CCDC12: variants seen among roughly 807,000 people sequenced by gnomAD.
CCDC12 encodes coiled-coil domain containing 12.
A neutral mutation model predicts 25.7 loss-of-function variants in CCDC12; 28 were observed. That is an observed-to-expected ratio of 1.09 (90% confidence interval 0.81 to 1.50). The LOEUF is 1.50. CCDC12 is among the 40% of genes most tolerant of loss of function. The pLI, the probability that CCDC12 is intolerant of heterozygous loss-of-function variation, is 0.00. For synonymous variants in CCDC12, 75 were observed against 87.7 expected (o/e 0.86, Z 0.81); for missense variants, 198 against 210.0 (o/e 0.94, Z 0.35).
intron 1 of CCDC12, among the ~76,000 whole-genome samples, chr3:46,964,565 AAAG>A (rs999896397): frequency 1.3e-5 from 2 of 152,356 alleles, no homozygotes; most frequent in African/African-American, 2.4e-5. Flanking sequence ...GTCTGTGTAG[AAAG>A]AAGTAGACAT....
At chr3:46,979,481 C>G (rs2035147282), upstream of CCDC12, 1 of 163,846 alleles carries the variant, frequency 6.1e-6, no homozygotes, top group African/African-American at 2.4e-5. Flanking sequence ...CACCCCGACC[C>G]TCGTCCCGGA....
At chr3:46,935,343 G>A (rs2033400715) in intron 2 of CCDC12, among the ~76,000 whole-genome samples, 1 of 152,082 alleles carries the variant, frequency 6.6e-6, no homozygotes, top group African/African-American at 2.4e-5. Context: ...TCCTGGTTAA[G>A]TGCCTCCTCC....
At chr3:46,958,666 A>G (rs1436667235) in intron 1 of CCDC12, among the ~76,000 whole-genome samples, 2 of 152,142 alleles carry the variant, frequency 1.3e-5, no homozygotes, top group Non-Finnish European at 1.5e-5. Context: ...AGAACCCAAG[A>G]TAAGGGCAGG....
intron 1 of CCDC12, chr3:46,976,332 C>A (rs1479959545): frequency 1.5e-6 from 2 of 1,290,588 alleles, no homozygotes; most frequent in East Asian, 7.0e-5. Context: ...TCTGAACCTA[C>A]AGGCAGCCCT....
At chr3:46,958,148 A>G (rs2034356481) in intron 1 of CCDC12, among the ~76,000 whole-genome samples, 1 of 152,166 alleles carries the variant, frequency 6.6e-6, no homozygotes, top group Admixed American at 6.5e-5. Flanking sequence ...GGATTAAATA[A>G]GTTTTATTGG....
At chr3:46,938,477 G>C (rs572509239) in intron 2 of CCDC12, among the ~76,000 whole-genome samples, 1 of 144,018 alleles carries the variant, frequency 6.9e-6, no homozygotes, top group South Asian at 2.3e-4. Context: ...GTCAATAAAA[G>C]TAATGTTTTG....
rs142143463 is a variant in CCDC12 at position 46,976,676 on chromosome 3, C to T, written c.57G>A (p.Lys19=). The part of the protein sequence containing the change: ...GRLEEEALRR[K]ERLKALREKT... ...TCTCCCGTAGGGCCTTCAGCCGTTCCTTTCGCCGCAACGCCTCTTCCTCTA... is the reference window on the plus strand; with the variant it reads ...TCTCCCGTAGGGCCTTCAGCCGTTCTTTTCGCCGCAACGCCTCTTCCTCTA... The change falls in exon 1 of 7, where the codon AAG becomes AAA. Residue 19 remains lysine (K), a synonymous_variant. Transcript: ENST00000683445. 5.6e-6 allele frequency: 9 copies of T among 1,610,198 alleles called. No individual in the cohort carries two copies. The African/African-American group carries it at 8.0e-5, about 14-fold the overall frequency.
chr3:46,925,528 T>G lies in CCDC12; in HGVS notation c.172A>C (p.Arg58=). 7 of 1,577,632 alleles carry G rather than the reference T, an allele frequency of 4.4e-6. No homozygotes were observed. Among genetic ancestry groups the G allele is most frequent in the Non-Finnish European group, 6.1e-6 (7 of 1,156,570 alleles). The stretch of plus-strand genomic sequence containing the variant: ...TCCTCCGGGACATAGTTCCGCAGCC[T>G]AAGTTCCCTGCAAGAATAGAGGGAA... ...EEEGEKHREL[R]LRNYVPEDED... is the part of the protein sequence containing the mutation. Residue 58 remains arginine (R), a synonymous_variant, in exon 3 of 7, where the codon AGG becomes CGG. Transcript: ENST00000683445.
At chr3:46,922,928 AT>A in intron 5 of CCDC12, 1 of 182,134 alleles carries the variant, frequency 5.5e-6, no homozygotes, top group Non-Finnish European at 1.1e-5. Context: ...GACGACCTCC[AT>A]TTCACAGAGG....
intron 2 of CCDC12, among the ~76,000 whole-genome samples, chr3:46,940,438 C>T (rs532544504): frequency 4.6e-5 from 7 of 152,280 alleles, no homozygotes; most frequent in Admixed American, 2.0e-4. Context: ...CAGAGGGACA[C>T]AGACAACGAG....
chr3:46,954,214 C>T (rs910616991), intron 1 of CCDC12, among the ~76,000 whole-genome samples: 7 of 152,176 alleles, frequency 4.6e-5, no homozygotes, highest in Admixed American at 1.3e-4. Context: ...GCTACCTGAC[C>T]ATCCCCAGAT....
intron 2 of CCDC12, among the ~76,000 whole-genome samples, chr3:46,937,322 A>G (rs2107129005): frequency 6.6e-6 from 1 of 152,336 alleles, no homozygotes; most frequent in South Asian, 2.1e-4. Flanking sequence ...TATGTTCTCC[A>G]TAAGGCCTTG....
At chr3:46,981,563 A>G (rs1430702773), upstream of CCDC12, among the ~76,000 whole-genome samples, 2 of 152,106 alleles carry the variant, frequency 1.3e-5, no homozygotes, top group Non-Finnish European at 2.9e-5. Flanking sequence ...TCCTGGCCCC[A>G]TTGGGTCCCC....
chr3:46,933,283 T>C (rs1432922133), intron 2 of CCDC12, among the ~76,000 whole-genome samples: 2 of 152,146 alleles, frequency 1.3e-5, no homozygotes, highest in Non-Finnish European at 2.9e-5. Context: ...TCACAGGTCT[T>C]AGAGGCAGAA....
At chr3:46,923,151 C>T in intron 5 of CCDC12, 178 bp downstream of exon 5, 1 of 604,034 alleles carries the variant, frequency 1.7e-6, no homozygotes, top group Non-Finnish European at 2.5e-6. Flanking sequence ...ACTCCCCTCT[C>T]ATCCCACCAC....
chr3:46,946,031 G>C (rs918342531), intron 1 of CCDC12, among the ~76,000 whole-genome samples: 1 of 152,212 alleles, frequency 6.6e-6, no homozygotes. Context: ...CACATGAAGC[G>C]TGGGGGCAGA....
chr3:46,960,648 T>C (rs1196582015), intron 1 of CCDC12, among the ~76,000 whole-genome samples: 3 of 152,226 alleles, frequency 2.0e-5, no homozygotes, highest in Non-Finnish European at 2.9e-5. Context: ...CTTTCAAGGA[T>C]ACAAGCTGTT....
chr3:46,930,164 C>CAT (rs1376752912), intron 2 of CCDC12, among the ~76,000 whole-genome samples: 2 of 152,062 alleles, frequency 1.3e-5, no homozygotes. Context: ...CATGAGCCAC[C>CAT]ATGTCCAGCT....
chr3:46,923,831 G>A (rs1480967307), intron 3 of CCDC12, 163 bp from the exon 4 acceptor site: 2 of 483,028 alleles, frequency 4.1e-6, no homozygotes, highest in Non-Finnish European at 6.9e-6. Flanking sequence ...TGCAAAGGCA[G>A]CTCTGGAGGA....
Sources: gnomAD v4.1 joint callset for allele counts (sites outside exome capture counted in the v4.1 genomes callset) on GRCh38, gnomAD v4.1.1 for gene constraint, MANE v1.5 for transcripts, NCBI Gene and HGNC (gene_info 2026-07-23, HGNC 2026-07-21) for gene names.